The following NAV3 variants were observed in gnomAD, a reference collection of about 807,000 sequenced individuals.
The protein encoded by NAV3 is neuron navigator 3, also known as pore membrane and/or filament interacting like protein 1.
A neutral mutation model predicts 244.7 loss-of-function variants in NAV3; 87 were observed. That is an observed-to-expected ratio of 0.36 (90% CI 0.30 to 0.42). The LOEUF (loss-of-function observed/expected upper bound fraction) is 0.42. Ranked by LOEUF, NAV3 falls within the 20% of genes least tolerant of loss-of-function variation. NAV3 has a pLI of 1.00. For synonymous variants in NAV3, 1,126 were observed against 1,042.2 expected (o/e 1.08, Z -1.55); for missense variants, 2,663 against 2,893.3 (o/e 0.92, Z 1.83).
At chr12:78,152,694 TA>T (rs1957122357) in intron 22 of NAV3, among the ~76,000 whole-genome samples, 2 of 152,022 alleles carry the variant, frequency 1.3e-5, no homozygotes, top group Admixed American at 6.6e-5. Context: ...AATATACACA[TA>T]TTTTTAACAT....
intron 1 of NAV3, among the ~76,000 whole-genome samples, chr12:77,887,096 C>G (rs1883382556): frequency 6.6e-6 from 1 of 152,110 alleles, no homozygotes; most frequent in Non-Finnish European, 1.5e-5. Context: ...ATAGAGGAAC[C>G]TCTCACAGTG....
intron 1 of NAV3, among the ~76,000 whole-genome samples, chr12:77,922,502 C>T (rs1177674723): frequency 6.6e-6 from 1 of 152,074 alleles, no homozygotes; most frequent in African/African-American, 2.4e-5. Context: ...TGCCCTACTC[C>T]ATTGTTATCC....
At chr12:78,146,623 C>T (rs1956875113) in intron 21 of NAV3, among the ~76,000 whole-genome samples, 1 of 152,050 alleles carries the variant, frequency 6.6e-6, no homozygotes, top group African/African-American at 2.4e-5. Flanking sequence ...AGTCTTAGCT[C>T]AACACCTAAT....
intron 1 of NAV3, among the ~76,000 whole-genome samples, chr12:77,885,649 T>G (rs2136669665): frequency 6.6e-6 from 1 of 152,284 alleles, no homozygotes; most frequent in East Asian, 1.9e-4. Flanking sequence ...TTTCTTTACC[T>G]ATGCCCATTT....
At chr12:77,879,456 G>A (rs758588543) in intron 1 of NAV3, among the ~76,000 whole-genome samples, 6 of 151,848 alleles carry the variant, frequency 4.0e-5, no homozygotes, top group Non-Finnish European at 8.8e-5. Flanking sequence ...TCACTTGAGC[G>A]CAGGAGTTCG....
At chr12:78,176,938 G>A (rs980678347) in intron 26 of NAV3, among the ~76,000 whole-genome samples, 6 of 151,924 alleles carry the variant, frequency 3.9e-5, no homozygotes, top group Non-Finnish European at 5.9e-5. Context: ...TTTGCGCTGC[G>A]CTGGATTAAT....
chr12:77,826,064 T>C (rs1396459660), upstream of NAV3, among the ~76,000 whole-genome samples: 2 of 152,164 alleles, frequency 1.3e-5, no homozygotes, highest in Non-Finnish European at 2.9e-5. Context: ...GGACCTCTCA[T>C]ACATTGCTAG....
At chr12:77,936,202 C>T (rs1396415247) in intron 1 of NAV3, among the ~76,000 whole-genome samples, 1 of 152,134 alleles carries the variant, frequency 6.6e-6, no homozygotes, top group Non-Finnish European at 1.5e-5. Flanking sequence ...AAAATTCATA[C>T]TGATAAATGT....
rs1432065954 is a variant in NAV3 at position 78,050,073 on chromosome 12, A to T, written c.2104A>T (p.Ser702Cys). Residue 702 changes from serine to cysteine, a missense_variant, in exon 10 of 40, where the codon AGT (serine) becomes TGT (cysteine). Physicochemically the swap from Ser to Cys is moderately radical, Grantham distance 112. Coordinates refer to ENST00000397909, the MANE Select transcript of NAV3 (RefSeq NM_001024383.2). ...LRQNLEETMS[S>C]LRGTQISHST... The stretch of plus-strand genomic sequence containing the variant: ...GCAGAATTTAGAAGAGACTATGTCC[A>T]GTCTTCGTGGGACTCAGATAAGCCA... The T allele has an allele frequency of 6.2e-7, 1 of 1,612,642 alleles. No individual in the cohort carries two copies. Among genetic ancestry groups the T allele is most frequent in the Non-Finnish European group, 8.5e-7 (1 of 1,179,544 alleles).
Position 78,204,912 on chromosome 12 carries a change from C to T in NAV3, c.6835-23C>T, listed in dbSNP as rs373647532. 8.7e-6 allele frequency: 14 copies of T among 1,610,520 alleles called. No homozygotes were observed. The African/African-American group carries it at 1.7e-4, about 20-fold the overall frequency. On this transcript the variant is annotated intron_variant, in intron 38 of 39. Transcript: ENST00000397909. ...AATAGAAATGCATTTTATATATATC[C>T]TAAACGCGTGGTCAACTTTTAGATG...
At chr12:77,945,307 AT>A (rs1470420775) in intron 3 of NAV3, among the ~76,000 whole-genome samples, 8 of 152,152 alleles carry the variant, frequency 5.3e-5, no homozygotes, top group African/African-American at 1.7e-4. Flanking sequence ...TGTGTGGAAG[AT>A]TTGATATTGG....
intron 1 of NAV3, among the ~76,000 whole-genome samples, chr12:77,887,520 C>T (rs555335259): frequency 3.3e-5 from 5 of 152,078 alleles, no homozygotes; most frequent in Admixed American, 6.6e-5. Context: ...TGTTTTTCTC[C>T]ACTAGATTAT....
At chr12:78,118,334 C>A (rs1955515263) in intron 14 of NAV3, 37 bp downstream of exon 14, 1 of 1,561,856 alleles carries the variant, frequency 6.4e-7, no homozygotes, top group South Asian at 1.2e-5. Flanking sequence ...TGCAAAAGTG[C>A]TTTACTTTAT....
At chr12:77,929,798 ATTTTTTT>A (rs10602394) in intron 1 of NAV3, among the ~76,000 whole-genome samples, 31 of 106,002 alleles carry the variant, frequency 2.9e-4, no homozygotes, top group African/African-American at 9.2e-4. Flanking sequence ...ACGGCCAGCT[ATTTTTTT>A]TTTTTTTTTT....
At chr12:78,139,631 T>A (rs1956521031) in intron 19 of NAV3, among the ~76,000 whole-genome samples, 1 of 152,100 alleles carries the variant, frequency 6.6e-6, no homozygotes, top group Admixed American at 6.6e-5. Flanking sequence ...TATAGGAGTA[T>A]AAAGCAGAAT....
chr12:77,725,728 C>A (rs1050171708), intron 2 of NAV3, among the ~76,000 whole-genome samples: 5 of 151,798 alleles, frequency 3.3e-5, no homozygotes, highest in African/African-American at 7.3e-5. Flanking sequence ...TGATGGCTGG[C>A]GACCACAAAA....
intron 2 of NAV3, among the ~76,000 whole-genome samples, chr12:77,744,018 G>C (rs1179576120): frequency 6.6e-6 from 1 of 151,786 alleles, no homozygotes; most frequent in Non-Finnish European, 1.5e-5. Context: ...GATCTCTAGA[G>C]CTAAAACAAT....
At chr12:78,034,235 C>A (rs1451575258) in intron 9 of NAV3, among the ~76,000 whole-genome samples, 1 of 152,166 alleles carries the variant, frequency 6.6e-6, no homozygotes, top group Non-Finnish European at 1.5e-5. Flanking sequence ...CACCACCACA[C>A]CCACAGTTGT....
At chr12:77,920,311 C>G (rs988065617) in intron 1 of NAV3, among the ~76,000 whole-genome samples, 30 of 151,892 alleles carry the variant, frequency 2.0e-4, no homozygotes, top group African/African-American at 6.8e-4. Flanking sequence ...ATATATTGTA[C>G]TTAATTTTCT....
Sources: gnomAD v4.1 joint callset for allele counts (sites outside exome capture counted in the v4.1 genomes callset) on GRCh38, gnomAD v4.1.1 for gene constraint, MANE v1.5 for transcripts, NCBI Gene and HGNC (gene_info 2026-07-23, HGNC 2026-07-21) for gene names.